ASAP1: variants seen among roughly 807,000 people sequenced by gnomAD.
ASAP1 encodes the protein ArfGAP with SH3 domain, ankyrin repeat and PH domain 1.
Under a neutral mutation model 145.2 loss-of-function variants are expected in ASAP1, and 43 were observed. That is an observed-to-expected ratio of 0.30 (90% CI 0.23 to 0.38). The LOEUF (loss-of-function observed/expected upper bound fraction) is 0.38. ASAP1 is among the 10% of genes least tolerant of loss of function. The pLI is 1.00. For synonymous variants in ASAP1, 546 were observed against 515.5 expected (o/e 1.06, Z -0.80); for missense variants, 1,018 against 1,355.3 (o/e 0.75, Z 3.91).
chr8:130,275,669 T>G (rs1465676311), intron 3 of ASAP1, among the ~76,000 whole-genome samples: 4 of 152,156 alleles, frequency 2.6e-5, no homozygotes, highest in African/African-American at 7.2e-5. Context: ...CTTGCACAAT[T>G]AGAGAAACGT....
intron 4 of ASAP1, among the ~76,000 whole-genome samples, chr8:130,235,768 T>G (rs1455816830): frequency 6.6e-6 from 1 of 152,030 alleles, no homozygotes; most frequent in Non-Finnish European, 1.5e-5. Context: ...AAGAGAATAT[T>G]AGGTTTCCAG....
intron 24 of ASAP1, among the ~76,000 whole-genome samples, chr8:130,102,958 TG>T (rs1265414268): frequency 1.3e-5 from 2 of 151,770 alleles, no homozygotes; most frequent in Non-Finnish European, 1.5e-5. Context: ...CCCAAAGCAT[TG>T]GGATTACAGG....
Position 130,349,571 on chromosome 8 carries a change from G to T in ASAP1, c.186+8446C>A, listed in dbSNP as rs141591049. Among the ~76,000 whole-genome samples the T allele has an allele frequency of 1.5e-4, 23 of 152,314 alleles. No individual in the cohort carries two copies. The East Asian group carries it at 4.1e-3, about 27-fold the overall frequency. On this transcript the variant is annotated intron_variant, in intron 3 of 29. Coordinates refer to ENST00000518721, the MANE Select transcript of ASAP1 (RefSeq NM_018482.4). Reference sequence around the variant, plus strand: ...TCAGTAACTTGCCCAACACACGCTAGAAGTAATAGGGATACAATTAACCTT... The same window carrying T: ...TCAGTAACTTGCCCAACACACGCTATAAGTAATAGGGATACAATTAACCTT...
intron 13 of ASAP1, among the ~76,000 whole-genome samples, chr8:130,142,002 A>G (rs896343041): frequency 5.9e-5 from 9 of 152,150 alleles, no homozygotes; most frequent in Non-Finnish European, 1.2e-4. Flanking sequence ...ATAGCCATGT[A>G]CCACCGTGCC....
chr8:130,373,906 T>G (rs1247043753), intron 2 of ASAP1, among the ~76,000 whole-genome samples: 1 of 144,732 alleles, frequency 6.9e-6, no homozygotes, highest in East Asian at 2.0e-4. Context: ...GTTTTAGGCA[T>G]GATGCTATAT....
chr8:130,294,457 C>A (rs117589381), intron 3 of ASAP1, among the ~76,000 whole-genome samples: 1 of 152,224 alleles, frequency 6.6e-6, no homozygotes, highest in African/African-American at 2.4e-5. Flanking sequence ...CTGGACAGAC[C>A]TGGGTTTGAA....
intron 3 of ASAP1, among the ~76,000 whole-genome samples, chr8:130,314,937 A>G (rs1295633366): frequency 1.3e-5 from 2 of 152,210 alleles, no homozygotes; most frequent in Non-Finnish European, 2.9e-5. Context: ...AGTGGGTTCC[A>G]ACCCCAGGTC....
At chr8:130,333,740 C>T (rs1697343922) in intron 3 of ASAP1, among the ~76,000 whole-genome samples, 2 of 152,270 alleles carry the variant, frequency 1.3e-5, no homozygotes, top group South Asian at 4.1e-4. Flanking sequence ...AATATTTTCG[C>T]CAATCATACA....
intron 27 of ASAP1, among the ~76,000 whole-genome samples, chr8:130,074,820 G>A (rs1205299304): frequency 1.2e-4 from 19 of 152,194 alleles, no homozygotes; most frequent in Admixed American, 1.2e-3. Context: ...GGCAGCCCCA[G>A]ATGACCATGT....
intron 13 of ASAP1, among the ~76,000 whole-genome samples, chr8:130,144,305 A>C (rs1249123511): frequency 6.6e-6 from 1 of 152,188 alleles, no homozygotes. Context: ...TTTTTGAAAA[A>C]CTGAGTACCT....
At chr8:130,073,390 C>CA (rs35429166) in intron 27 of ASAP1, among the ~76,000 whole-genome samples, 4,289 of 117,100 alleles carry the variant, frequency 0.037, 172 homozygotes, top group African/African-American at 0.11. Context: ...AACTCCGTCT[C>CA]AAAAAAAAAA....
intron 1 of ASAP1, among the ~76,000 whole-genome samples, chr8:130,410,818 T>C (rs546754013): frequency 6.6e-6 from 1 of 152,354 alleles, no homozygotes; most frequent in East Asian, 1.9e-4. Flanking sequence ...AATTTCTGGC[T>C]GATCTTGAGT....
intron 13 of ASAP1, among the ~76,000 whole-genome samples, chr8:130,151,138 C>T (rs950782501): frequency 2.6e-5 from 4 of 151,784 alleles, no homozygotes; most frequent in African/African-American, 7.3e-5. Context: ...TTTGGGAGGC[C>T]GAAGCGGGCA....
chr8:130,059,953 C>T (rs1301915896), intron 28 of ASAP1, among the ~76,000 whole-genome samples: 1 of 151,802 alleles, frequency 6.6e-6, no homozygotes, highest in African/African-American at 2.4e-5. Flanking sequence ...GTGATATGTA[C>T]CTTGGTCCCA....
At chr8:130,267,745 G>T (rs1302609008) in intron 3 of ASAP1, among the ~76,000 whole-genome samples, 3 of 152,344 alleles carry the variant, frequency 2.0e-5, no homozygotes, top group African/African-American at 7.2e-5. Flanking sequence ...TCCTTCACAA[G>T]AGTAGGGAAC....
At chr8:130,401,186 G>A (rs146017327) in intron 2 of ASAP1, among the ~76,000 whole-genome samples, 3 of 152,182 alleles carry the variant, frequency 2.0e-5, no homozygotes, top group Non-Finnish European at 2.9e-5. Context: ...CCAACTGAAT[G>A]TAGAAATTCT....
At chr8:130,234,051 T>C (rs568517295) in intron 4 of ASAP1, among the ~76,000 whole-genome samples, 2 of 152,154 alleles carry the variant, frequency 1.3e-5, no homozygotes, top group Admixed American at 6.6e-5. Context: ...CCTGTTTTTG[T>C]TTTTAAGAGT....
chr8:130,140,330 A>C (rs1215326369), intron 13 of ASAP1, among the ~76,000 whole-genome samples: 1 of 151,764 alleles, frequency 6.6e-6, no homozygotes, highest in African/African-American at 2.4e-5. Flanking sequence ...TGCTGGCCTC[A>C]GGTCTCAGCT....
At chr8:130,118,293 C>G (rs1321490269) in intron 19 of ASAP1, 47 bp from the exon 20 acceptor site, 1 of 1,572,008 alleles carries the variant, frequency 6.4e-7, no homozygotes, top group South Asian at 1.1e-5. Context: ...TATGCTCTGC[C>G]AAGGGAGGCT....
Sources: allele counts gnomAD v4.1 joint callset (sites outside exome capture counted in the v4.1 genomes callset), GRCh38; gene constraint gnomAD v4.1.1; transcripts MANE v1.5; gene names NCBI Gene and HGNC (gene_info 2026-07-23, HGNC 2026-07-21).